The following ROBO2 variants were observed in gnomAD, a reference collection of about 807,000 sequenced individuals.
The protein encoded by ROBO2 is roundabout guidance receptor 2, also known as roundabout homolog 2.
A neutral mutation model predicts 160.8 loss-of-function variants in ROBO2; 53 were observed. The ratio of observed to expected loss-of-function variants is 0.33; its 90% CI spans 0.26 to 0.41. The LOEUF (loss-of-function observed/expected upper bound fraction) is 0.41. Ranked by LOEUF, ROBO2 falls within the 10% of genes least tolerant of loss-of-function variation. The pLI is 1.00. For missense variants in ROBO2, 1,577 were observed against 1,722.4 expected, an observed-to-expected ratio of 0.92 and a Z score of 1.49; for synonymous variants, 664 against 611.7, an observed-to-expected ratio of 1.09 and a Z score of -1.26.
chr3:77,198,613 A>G (rs1421775694), intron 2 of ROBO2, among the ~76,000 whole-genome samples: 1 of 152,168 alleles, frequency 6.6e-6, no homozygotes, highest in Non-Finnish European at 1.5e-5. Context: ...AAGACATTTT[A>G]TTTACGGCCA....
intron 2 of ROBO2, among the ~76,000 whole-genome samples, chr3:76,076,164 G>A (rs757099773): frequency 3.9e-5 from 6 of 152,106 alleles, no homozygotes; most frequent in Non-Finnish European, 5.9e-5. Flanking sequence ...TTTGAATGTC[G>A]TTTACTCTCC....
chr3:77,120,215 G>C (rs1200266475), intron 2 of ROBO2, among the ~76,000 whole-genome samples: 1 of 152,058 alleles, frequency 6.6e-6, no homozygotes, highest in Non-Finnish European at 1.5e-5. Flanking sequence ...CCATGTGTCC[G>C]GCATGAACAT....
In ROBO2 at chr3:76,654,905, A is replaced by ATGTG. The variant is rs200063198; in HGVS notation, c.110-443103_110-443100dup. On this transcript the variant is annotated intron_variant, in intron 2 of 26. Coordinates refer to the ROBO2 transcript ENST00000487694. The stretch of plus-strand genomic sequence containing the variant: ...TATATACATATGCATGTGTGTACAT[A>ATGTG]TGTGTGTGTATATATATATATATTT... Among the ~76,000 whole-genome samples the ATGTG allele has an allele frequency of 3.3e-4, 42 of 128,244 alleles. No homozygotes were observed. In the South Asian group the frequency reaches 4.2e-3, roughly 13 times the overall value. The allele number at this position is 128,244 out of a possible 152,430, so 84.1% of individuals were successfully genotyped here.
intron 2 of ROBO2, among the ~76,000 whole-genome samples, chr3:76,953,992 C>T (rs2079103023): frequency 6.6e-6 from 1 of 152,196 alleles, no homozygotes; most frequent in Non-Finnish European, 1.5e-5. Flanking sequence ...GTCTTTCATT[C>T]TCAAATATCT....
At chr3:77,239,542 A>G (rs895287694) in intron 2 of ROBO2, among the ~76,000 whole-genome samples, 1 of 152,182 alleles carries the variant, frequency 6.6e-6, no homozygotes, top group Admixed American at 6.5e-5. Context: ...CAGGCAGCCT[A>G]CTTTTATTCC....
At chr3:76,621,261 G>C (rs1220094831) in intron 2 of ROBO2, among the ~76,000 whole-genome samples, 1 of 151,672 alleles carries the variant, frequency 6.6e-6, no homozygotes, top group Non-Finnish European at 1.5e-5. Context: ...GGATTTTACT[G>C]TTTGTAAATA....
intron 1 of ROBO2, among the ~76,000 whole-genome samples, chr3:77,051,428 A>G (rs938043570): frequency 2.6e-5 from 4 of 152,134 alleles, no homozygotes; most frequent in Admixed American, 6.5e-5. Context: ...GACAACTTGT[A>G]TTTTAAGAAC....
At chr3:76,301,059 A>G (rs1709331102) in intron 2 of ROBO2, among the ~76,000 whole-genome samples, 1 of 152,124 alleles carries the variant, frequency 6.6e-6, no homozygotes, top group South Asian at 2.1e-4. Context: ...GAAGAAAGGA[A>G]GAAAGTCTTG....
chr3:76,286,968 G>A (rs747417919), intron 2 of ROBO2, among the ~76,000 whole-genome samples: 8 of 152,092 alleles, frequency 5.3e-5, no homozygotes, highest in East Asian at 1.9e-4. Context: ...TCTTTCTACC[G>A]TAAGACCTTC....
chr3:76,858,397 GGA>G (rs2070373562), intron 2 of ROBO2, among the ~76,000 whole-genome samples: 1 of 151,998 alleles, frequency 6.6e-6, no homozygotes, highest in African/African-American at 2.4e-5. Flanking sequence ...CAAGTAGCTG[GGA>G]CTACAAGGCA....
At chr3:76,634,805 G>T (rs2090230901) in intron 2 of ROBO2, among the ~76,000 whole-genome samples, 1 of 152,214 alleles carries the variant, frequency 6.6e-6, no homozygotes, top group Admixed American at 6.5e-5. Context: ...TTAGAACCTG[G>T]CCACGCAGCA....
At chr3:76,141,060 C>CATATATATATATATATATATATATATAT (rs55691222) in intron 2 of ROBO2, among the ~76,000 whole-genome samples, 1,408 of 53,268 alleles carry the variant, frequency 0.026, 117 homozygotes, top group South Asian at 0.031. Flanking sequence ...TTTTTACATA[C>CATATATATATATATATATATATATATAT]ATATATATAT....
intron 2 of ROBO2, among the ~76,000 whole-genome samples, chr3:76,585,326 A>G (rs1462357623): frequency 6.6e-6 from 1 of 152,240 alleles, no homozygotes; most frequent in African/African-American, 2.4e-5. Context: ...TTTCAATGCC[A>G]CATTAACATG....
At chr3:76,828,313 TTATC>T (rs2066756742) in intron 2 of ROBO2, among the ~76,000 whole-genome samples, 1 of 152,076 alleles carries the variant, frequency 6.6e-6, no homozygotes, top group Non-Finnish European at 1.5e-5. Context: ...ACACTTTATT[TTATC>T]TATATTATTA....
chr3:76,002,936 G>A (rs1030114640), intron 2 of ROBO2, among the ~76,000 whole-genome samples: 12 of 152,086 alleles, frequency 7.9e-5, no homozygotes, highest in Admixed American at 5.9e-4. Context: ...GGCAGCCCCA[G>A]GAAACTACTA....
intron 2 of ROBO2, among the ~76,000 whole-genome samples, chr3:77,139,718 G>C (rs76713747): frequency 0.013 from 2,009 of 152,260 alleles, 41 homozygotes; most frequent in African/African-American, 0.045. Context: ...CATGTAGGCT[G>C]TATCTTCTGC....
Position 76,552,015 on chromosome 3 carries a change from G to C in ROBO2, c.110-545999G>C, listed in dbSNP as rs547332375. 9.9e-5 allele frequency among the ~76,000 whole-genome samples: 15 copies of C among 152,194 alleles called. No individual in the cohort carries two copies. The South Asian group carries it at 2.9e-3, about 29-fold the overall frequency. On this transcript the variant is annotated intron_variant, in intron 2 of 26. Coordinates refer to the ROBO2 transcript ENST00000487694. ...CCCAGCAGGTGCGAGCAATACTCAA[G>C]CAGAAGGTGCTGCCAGCCACAGAGG... is the stretch of plus-strand genomic sequence containing the variant.
intron 2 of ROBO2, among the ~76,000 whole-genome samples, chr3:76,376,810 G>A (rs1217544682): frequency 6.6e-6 from 1 of 152,054 alleles, no homozygotes; most frequent in Admixed American, 6.6e-5. Context: ...GACCATTTAT[G>A]GTAAGCCATG....
At chr3:76,501,410 C>T (rs1036357571) in intron 2 of ROBO2, among the ~76,000 whole-genome samples, 3 of 152,194 alleles carry the variant, frequency 2.0e-5, no homozygotes, top group Middle Eastern at 3.4e-3. Flanking sequence ...GAGAGGAATC[C>T]GAGTCAGAAA....
Sources: allele counts gnomAD v4.1 joint callset (sites outside exome capture counted in the v4.1 genomes callset), GRCh38; gene constraint gnomAD v4.1.1; transcripts MANE v1.5; gene names NCBI Gene and HGNC (gene_info 2026-07-23, HGNC 2026-07-21).